Variants in RAB31 observed in about 807,000 individuals in gnomAD.
RAB31 encodes RAB31, member RAS oncogene family, also known as ras-related protein Rab-31.
RAB31 carries 21 observed loss-of-function variants against 25.6 expected under a neutral mutation model. The ratio of observed to expected loss-of-function variants is 0.82; its 90% confidence interval spans 0.58 to 1.18. RAB31 has a LOEUF of 1.18. Ranked by LOEUF, RAB31 falls within the 50% of genes most tolerant of loss-of-function variation. RAB31 has a pLI of 0.00. For missense variants in RAB31, 196 were observed against 250.1 expected, an observed-to-expected ratio of 0.78 and a Z score of 1.46; for synonymous variants, 87 against 84.0, an observed-to-expected ratio of 1.04 and a Z score of -0.20.
At chr18:9,826,036 C>T (rs2068648076) in intron 5 of RAB31, among the ~76,000 whole-genome samples, 1 of 152,060 alleles carries the variant, frequency 6.6e-6, no homozygotes, top group Non-Finnish European at 1.5e-5. Context: ...ACCCCGCATA[C>T]CCATGTAACA....
chr18:9,792,223 T>A lies in RAB31; in HGVS notation c.189T>A (p.Ala63=). ...ELHKFLIWDT[A]GQERFHSLAP... is the part of the protein sequence containing the mutation. ...ACAAGTTCCTCATCTGGGACACTGC[T>A]GGTCAGGAACGGGTGAGTATATGCT... Residue 63 remains alanine, a synonymous_variant, in exon 3 of 7, where the codon GCT becomes GCA. Transcript: ENST00000578921. The A allele has an allele frequency of 6.2e-7, 1 of 1,612,172 alleles. No individual in the cohort carries two copies. The highest frequency in any genetic ancestry group is 8.5e-7 in the Non-Finnish European group (1 of 1,179,090).
At chr18:9,816,781 G>T (rs2068601180) in intron 5 of RAB31, among the ~76,000 whole-genome samples, 1 of 152,162 alleles carries the variant, frequency 6.6e-6, no homozygotes, top group Non-Finnish European at 1.5e-5. Context: ...CGAATTTGTG[G>T]TATCTCCATT....
Position 9,860,261 on chromosome 18 carries a change from G to A in RAB31, c.*936G>A, listed in dbSNP as rs1264539682. On this transcript the variant is annotated 3_prime_UTR_variant, in exon 7 of 7. Transcript: ENST00000578921. Reference sequence around the variant, plus strand: ...TTTAATGTTTGAATCTAAATCATTGGGCAAACTTCTAATAATAACAATTAA... The same window carrying A: ...TTTAATGTTTGAATCTAAATCATTGAGCAAACTTCTAATAATAACAATTAA... The A allele has an allele frequency of 2.0e-5, 3 of 152,070 alleles. No homozygotes were observed. Among genetic ancestry groups the A allele is most frequent in the Admixed American group, 1.3e-4 (2 of 15,270 alleles). The allele number at this position is 152,070 out of a possible 1,614,324, so 9.4% of individuals were successfully genotyped here.
intron 6 of RAB31, among the ~76,000 whole-genome samples, chr18:9,846,089 T>A (rs1215737873): frequency 6.6e-6 from 1 of 152,192 alleles, no homozygotes; most frequent in Non-Finnish European, 1.5e-5. Flanking sequence ...TCCAGTAACT[T>A]TTTTTGCCTG....
At chr18:9,759,861 G>A (rs558349405) in intron 1 of RAB31, among the ~76,000 whole-genome samples, 2 of 152,168 alleles carry the variant, frequency 1.3e-5, no homozygotes, top group African/African-American at 4.8e-5. Flanking sequence ...GGGGTGCTGG[G>A]GGCTCTGACA....
At chr18:9,743,622 G>T (rs2068190993) in intron 1 of RAB31, among the ~76,000 whole-genome samples, 1 of 152,180 alleles carries the variant, frequency 6.6e-6, no homozygotes, top group Non-Finnish European at 1.5e-5. Context: ...CTGCCCCAGG[G>T]CTTCAGGGGA....
chr18:9,859,232 C>T lies in RAB31; in HGVS notation c.495C>T (p.Arg165=). Residue 165 remains arginine, a synonymous_variant, in exon 7 of 7, where the codon CGC becomes CGT. Coordinates refer to ENST00000578921, the MANE Select transcript of RAB31 (RefSeq NM_006868.4). ...NIEELFQGIS[R]QIPPLDPHEN... ...TTGGCCTCCTTTTTGTTGCAGGCCG[C>T]CAGATCCCACCCTTGGACCCCCATG... 6.2e-7 allele frequency: 1 copy of T among 1,613,330 alleles called. No homozygotes were observed. Among genetic ancestry groups the T allele is most frequent in the Non-Finnish European group, 8.5e-7 (1 of 1,179,346 alleles).
At chr18:9,779,413 G>A (rs1052469711) in intron 2 of RAB31, among the ~76,000 whole-genome samples, 1 of 152,100 alleles carries the variant, frequency 6.6e-6, no homozygotes, top group Non-Finnish European at 1.5e-5. Flanking sequence ...GGACATGCAG[G>A]TATACAAGCT....
At chr18:9,821,514 A>T (rs2068624474) in intron 5 of RAB31, among the ~76,000 whole-genome samples, 1 of 152,086 alleles carries the variant, frequency 6.6e-6, no homozygotes, top group Non-Finnish European at 1.5e-5. Flanking sequence ...ATGTTAAAAA[A>T]GTTGATTTAT....
At chr18:9,783,886 T>C (rs965643399) in intron 2 of RAB31, among the ~76,000 whole-genome samples, 1 of 152,160 alleles carries the variant, frequency 6.6e-6, no homozygotes, top group African/African-American at 2.4e-5. Context: ...ACCTAACACA[T>C]TGAAAGAGAT....
chr18:9,787,779 T>G (rs1413160067), intron 2 of RAB31: 1 of 152,334 alleles, frequency 6.6e-6, no homozygotes, highest in Non-Finnish European at 1.5e-5. Context: ...CCGTAATGTA[T>G]GTAGGAGAGG....
intron 2 of RAB31, among the ~76,000 whole-genome samples, chr18:9,777,354 C>T (rs1233415642): frequency 6.6e-6 from 1 of 152,038 alleles, no homozygotes. Context: ...TAAATAAATC[C>T]AAAATTCAAA....
chr18:9,826,568 G>A (rs1346736142), intron 5 of RAB31, among the ~76,000 whole-genome samples: 2 of 152,114 alleles, frequency 1.3e-5, no homozygotes, highest in Non-Finnish European at 2.9e-5. Context: ...AAATTAATAT[G>A]AGGCTACCCT....
intron 5 of RAB31, chr18:9,844,589 C>T (rs569519394): frequency 6.6e-6 from 1 of 152,282 alleles, no homozygotes. Flanking sequence ...TGTTCTAAAG[C>T]ACAGGTGCCA....
intron 1 of RAB31, among the ~76,000 whole-genome samples, chr18:9,727,246 A>C (rs1354159049): frequency 6.6e-6 from 1 of 152,158 alleles, no homozygotes; most frequent in Non-Finnish European, 1.5e-5. Context: ...CTGGGATGTG[A>C]ATAAGGTTGG....
At chr18:9,854,148 G>A (rs776506115) in intron 6 of RAB31, among the ~76,000 whole-genome samples, 2 of 151,776 alleles carry the variant, frequency 1.3e-5, no homozygotes, top group Admixed American at 6.6e-5. Flanking sequence ...CCCTCAACAG[G>A]TCCTGGTGTG....
intron 1 of RAB31, among the ~76,000 whole-genome samples, chr18:9,772,911 TGTG>T (rs2068352674): frequency 6.6e-6 from 1 of 152,094 alleles, no homozygotes; most frequent in African/African-American, 2.4e-5. Flanking sequence ...TGAAAAGAGT[TGTG>T]GTTTGGGGGA....
At chr18:9,835,402 A>AG (rs2068699209) in intron 5 of RAB31, among the ~76,000 whole-genome samples, 1 of 151,580 alleles carries the variant, frequency 6.6e-6, no homozygotes, top group Admixed American at 6.6e-5. Flanking sequence ...GGGGATTAAG[A>AG]GGCAAAGGAA....
At chr18:9,802,190 A>C (rs2068517192) in intron 3 of RAB31, among the ~76,000 whole-genome samples, 1 of 152,224 alleles carries the variant, frequency 6.6e-6, no homozygotes, top group African/African-American at 2.4e-5. Flanking sequence ...TTTTAGGATC[A>C]GCTTGTAAAT....
Sources: allele counts gnomAD v4.1 joint callset (sites outside exome capture counted in the v4.1 genomes callset), GRCh38; gene constraint gnomAD v4.1.1; transcripts MANE v1.5; gene names NCBI Gene and HGNC (gene_info 2026-07-23, HGNC 2026-07-21).